AGMO: variants seen among roughly 807,000 people sequenced by gnomAD.
AGMO encodes alkylglycerol monooxygenase.
AGMO carries 75 observed loss-of-function variants against 60.2 expected under a neutral mutation model. The ratio of observed to expected loss-of-function variants is 1.25; its 90% CI spans 1.03 to 1.51. The LOEUF (loss-of-function observed/expected upper bound fraction) is 1.51. Ranked by LOEUF, AGMO falls within the 40% of genes most tolerant of loss-of-function variation. The pLI is 0.00. For synonymous variants in AGMO, 261 were observed against 177.1 expected, an observed-to-expected ratio of 1.47 and a Z score of -3.76; for missense variants, 763 against 525.5, an observed-to-expected ratio of 1.45 and a Z score of -4.42.
chr7:15,143,020 T>C, the AGMO span, among the ~76,000 whole-genome samples: 6 of 152,208 alleles, frequency 3.9e-5, no homozygotes, highest in African/African-American at 7.2e-5. Context: ...AGCCAGGATA[T>C]AAACCCCAAC....
chr7:15,374,978 G>C (rs1332411958), intron 10 of AGMO, among the ~76,000 whole-genome samples: 3 of 152,026 alleles, frequency 2.0e-5, no homozygotes, highest in East Asian at 3.9e-4. Flanking sequence ...TGCCCAGTAT[G>C]TGTGTAATGC....
At chr7:15,197,366 C>T (rs1417611560), downstream of AGMO, among the ~76,000 whole-genome samples, 2 of 152,012 alleles carry the variant, frequency 1.3e-5, no homozygotes, top group Non-Finnish European at 2.9e-5. Flanking sequence ...TATATAATCA[C>T]TAGTAAAAAT....
chr7:15,472,413 C>T (rs1340612483), intron 3 of AGMO, among the ~76,000 whole-genome samples: 1 of 151,876 alleles, frequency 6.6e-6, no homozygotes, highest in Non-Finnish European at 1.5e-5. Context: ...ATTTCCTCAT[C>T]TTTGAAATGA....
At chr7:15,275,967 T>C (rs1783774663) in intron 12 of AGMO, among the ~76,000 whole-genome samples, 1 of 152,006 alleles carries the variant, frequency 6.6e-6, no homozygotes, top group Admixed American at 6.6e-5. Context: ...CGGTTGGGTC[T>C]TGTTTAGTCC....
intron 12 of AGMO, among the ~76,000 whole-genome samples, chr7:15,319,145 G>GT (rs1563084333): frequency 6.6e-6 from 1 of 152,030 alleles, no homozygotes; most frequent in Non-Finnish European, 1.5e-5. Flanking sequence ...CCTCAGCATA[G>GT]GTTTTATTTT....
At chr7:15,152,078 T>C in the AGMO span, among the ~76,000 whole-genome samples, 1 of 152,160 alleles carries the variant, frequency 6.6e-6, no homozygotes, top group African/African-American at 2.4e-5. Context: ...CAGTGTTGGG[T>C]GCATATATAG....
intron 12 of AGMO, among the ~76,000 whole-genome samples, chr7:15,251,578 A>G (rs1425588315): frequency 1.3e-5 from 2 of 152,214 alleles, no homozygotes; most frequent in Non-Finnish European, 2.9e-5. Context: ...ATAGATAACC[A>G]TTATAAAGCC....
At chr7:15,180,857 G>A in the AGMO span, among the ~76,000 whole-genome samples, 1 of 152,272 alleles carries the variant, frequency 6.6e-6, no homozygotes, top group African/African-American at 2.4e-5. Flanking sequence ...CAGTTCTGGA[G>A]GCTACGAAGC....
chr7:15,330,688 G>C (rs1781472719), intron 12 of AGMO, among the ~76,000 whole-genome samples: 1 of 152,038 alleles, frequency 6.6e-6, no homozygotes, highest in Admixed American at 6.6e-5. Context: ...TCTGCCTATA[G>C]AGACAATATA....
At chr7:15,524,602 C>A (rs950965833) in intron 3 of AGMO, among the ~76,000 whole-genome samples, 1 of 152,066 alleles carries the variant, frequency 6.6e-6, no homozygotes, top group Non-Finnish European at 1.5e-5. Context: ...CTGGCTCATG[C>A]CTGTAATCCT....
the AGMO span, among the ~76,000 whole-genome samples, chr7:15,164,927 C>G: frequency 6.6e-6 from 1 of 152,068 alleles, no homozygotes; most frequent in Non-Finnish European, 1.5e-5. Flanking sequence ...CAAAAAGTCA[C>G]CTGCACTAAT....
intron 12 of AGMO, among the ~76,000 whole-genome samples, chr7:15,287,562 C>G (rs1431896649): frequency 1.3e-5 from 2 of 152,076 alleles, no homozygotes; most frequent in Admixed American, 1.3e-4. Context: ...AGATTTCAGT[C>G]AATTTATGAA....
At chr7:15,275,051 C>G (rs187873957) in intron 12 of AGMO, among the ~76,000 whole-genome samples, 26 of 151,540 alleles carry the variant, frequency 1.7e-4, no homozygotes, top group Non-Finnish European at 3.1e-4. Flanking sequence ...TCATTTAGTT[C>G]TGCTCTAATG....
At chr7:15,269,457 A>G (rs1783529873) in intron 12 of AGMO, among the ~76,000 whole-genome samples, 1 of 152,048 alleles carries the variant, frequency 6.6e-6, no homozygotes, top group South Asian at 2.1e-4. Context: ...GAATGAGGAT[A>G]CCAAACTCAA....
At chr7:15,417,238 A>G (rs975503419) in intron 5 of AGMO, among the ~76,000 whole-genome samples, 1 of 152,170 alleles carries the variant, frequency 6.6e-6, no homozygotes, top group East Asian at 1.9e-4. Flanking sequence ...TTGCTTTTGA[A>G]GTGGAAATGA....
chr7:15,349,666 T>C (rs1782163966), intron 12 of AGMO, among the ~76,000 whole-genome samples: 1 of 152,134 alleles, frequency 6.6e-6, no homozygotes, highest in South Asian at 2.1e-4. Context: ...CTGGGTAATT[T>C]ATAAAGAAAA....
chr7:15,376,654 T>TTA lies in AGMO; in HGVS notation c.1074+8790_1074+8791dup, dbSNP rs1178108347. Among the ~76,000 whole-genome samples the TTA allele has an allele frequency of 2.6e-5, 4 of 152,122 alleles. 1 individual carries two copies. The highest frequency in any genetic ancestry group is 2.1e-4 in the South Asian group (1 of 4,832). Reference sequence around the variant, plus strand: ...ATTCAAACTGTTTTTTGTGTGTTTATTAGTTAAAAGAAGCATTGCCTTTTC... The same window carrying TTA: ...ATTCAAACTGTTTTTTGTGTGTTTATTATAGTTAAAAGAAGCATTGCCTTTTC... On this transcript the variant is annotated intron_variant, in intron 10 of 12. Coordinates refer to ENST00000342526, the MANE Select transcript of AGMO (RefSeq NM_001004320.2).
At chr7:15,440,862 A>G (rs1781535789) in intron 3 of AGMO, among the ~76,000 whole-genome samples, 2 of 152,322 alleles carry the variant, frequency 1.3e-5, no homozygotes, top group South Asian at 2.1e-4. Flanking sequence ...TATGGATAAG[A>G]CAGTCTGATT....
At chr7:15,226,113 C>G (rs542127330) in intron 12 of AGMO, among the ~76,000 whole-genome samples, 8 of 151,996 alleles carry the variant, frequency 5.3e-5, no homozygotes, top group African/African-American at 1.9e-4. Flanking sequence ...GAAAAACTAG[C>G]CTTTCTCACC....
Sources: gnomAD v4.1 joint callset for allele counts (sites outside exome capture counted in the v4.1 genomes callset) on GRCh38, gnomAD v4.1.1 for gene constraint, MANE v1.5 for transcripts, NCBI Gene and HGNC (gene_info 2026-07-23, HGNC 2026-07-21) for gene names.